Variants in ZNF253 observed in about 807,000 individuals in gnomAD.
The protein encoded by ZNF253 is DNA-binding protein.
ZNF253 carries 8 observed loss-of-function variants against 11.9 expected under a neutral mutation model. The observed-to-expected ratio is 0.67, with a 90% CI of 0.40 to 1.22. ZNF253 has a LOEUF of 1.22. Ranked by LOEUF, ZNF253 falls within the 50% of genes most tolerant of loss-of-function variation. ZNF253 has a pLI of 0.01. For synonymous variants in ZNF253, 194 were observed against 194.9 expected (o/e 1.00, Z 0.04); for missense variants, 485 against 586.9 (o/e 0.83, Z 1.79).
chr19:19,878,212 AATGTTC>A (rs1252329432), intron 1 of ZNF253, among the ~76,000 whole-genome samples: 1 of 152,236 alleles, frequency 6.6e-6, no homozygotes, highest in Non-Finnish European at 1.5e-5. Context: ...AGCACTAAAA[AATGTTC>A]ATGTTCATGC....
chr19:19,885,219 CTTT>C (rs2063193944), intron 3 of ZNF253, among the ~76,000 whole-genome samples: 5 of 51,148 alleles, frequency 9.8e-5, no homozygotes, highest in Non-Finnish European at 1.8e-4. Context: ...TTTTTGTATT[CTTT>C]CTTTCTTTCT....
intron 3 of ZNF253, among the ~76,000 whole-genome samples, chr19:19,886,492 T>C (rs1476961128): frequency 6.6e-6 from 1 of 152,348 alleles, no homozygotes; most frequent in East Asian, 1.9e-4. Context: ...TTATGGGACC[T>C]GGTGGGACAC....
intron 1 of ZNF253, among the ~76,000 whole-genome samples, chr19:19,876,340 G>A (rs966204946): frequency 1.3e-5 from 2 of 151,768 alleles, no homozygotes; most frequent in African/African-American, 4.8e-5. Flanking sequence ...TGAGAGTTAA[G>A]TTCCACCTTT....
intron 3 of ZNF253, among the ~76,000 whole-genome samples, chr19:19,888,840 T>C (rs1371134316): frequency 1.3e-5 from 2 of 152,242 alleles, no homozygotes; most frequent in Non-Finnish European, 2.9e-5. Flanking sequence ...TCTTGTATTA[T>C]GTTATTTTCA....
At chr19:19,879,958 A>C in intron 2 of ZNF253, 93 bp from the exon 3 acceptor site, 1 of 591,428 alleles carries the variant, frequency 1.7e-6, no homozygotes, top group Non-Finnish European at 2.6e-6. Flanking sequence ...GATTTACTGG[A>C]ATATTTTATC....
intron 1 of ZNF253, among the ~76,000 whole-genome samples, chr19:19,866,464 A>T (rs7250258): frequency 0.39 from 59,599 of 151,370 alleles, 12,429 homozygotes; most frequent in East Asian, 0.69. Context: ...CTCGCGTCCG[A>T]CCTGATCGCA....
At chr19:19,869,204 A>G (rs2063122706) in intron 1 of ZNF253, among the ~76,000 whole-genome samples, 1 of 152,168 alleles carries the variant, frequency 6.6e-6, no homozygotes, top group Non-Finnish European at 1.5e-5. Flanking sequence ...CTGATTATCC[A>G]AGGTAATTAT....
At chr19:19,871,007 T>C (rs909155328) in intron 1 of ZNF253, 4 of 152,172 alleles carry the variant, frequency 2.6e-5, no homozygotes, top group African/African-American at 9.7e-5. Context: ...TCTCTCAAAA[T>C]AATCTGGCTC....
In ZNF253 at chr19:19,892,440, G is replaced by C; in HGVS notation, c.1193G>C (p.Cys398Ser). Reference sequence around the variant, plus strand: ...CATACTGGAGAGAAACCCTACAAATGTGATGAATGTGGCAAAACCTTTACC... The same window carrying C: ...CATACTGGAGAGAAACCCTACAAATCTGATGAATGTGGCAAAACCTTTACC... ...KIHTGEKPYK[C>S]DECGKTFTWP... Residue 398 changes from cysteine to serine, a missense_variant, in exon 4 of 4, where the codon TGT becomes TCT. Physicochemically the swap from Cys to Ser is moderately radical, Grantham distance 112. Transcript: ENST00000589717. 6.2e-7 allele frequency: 1 copy of C among 1,613,914 alleles called. No individual in the cohort carries two copies. The highest frequency in any genetic ancestry group is 8.5e-7 in the Non-Finnish European group (1 of 1,179,994).
In ZNF253 at chr19:19,891,581, T is replaced by G; in HGVS notation, c.334T>G (p.Leu112Val). 6.2e-7 allele frequency: 1 copy of G among 1,613,980 alleles called. No homozygotes were observed. Among genetic ancestry groups the G allele is most frequent in the East Asian group, 2.2e-5 (1 of 44,860 alleles). Residue 112 changes from leucine (L) to valine (V), a missense_variant, in exon 4 of 4, where the codon TTA becomes GTA. Physicochemically the swap from Leu to Val is conservative, Grantham distance 32 (BLOSUM62 1). Around this residue, in one of 3 missense-constraint regions of ZNF253, gnomAD observed 218 missense variants for 213.1 expected, o/e 1.02. Coordinates refer to ENST00000589717, the MANE Select transcript of ZNF253 (RefSeq NM_021047.3). ...AGAATGCAGACATGACAATTTACAG[T>G]TAAAAAAAGGCTGTAAAAGCGTGGG... Reference protein sequence around the residue: ...YEECRHDNLQLKKGCKSVGEH... With the variant: ...YEECRHDNLQVKKGCKSVGEH...
intron 3 of ZNF253, among the ~76,000 whole-genome samples, chr19:19,888,872 A>T (rs1273009008): frequency 1.3e-5 from 2 of 152,222 alleles, no homozygotes; most frequent in African/African-American, 4.8e-5. Context: ...TTCTTTCAGC[A>T]TCTTTGATAG....
In ZNF253 at chr19:19,891,917, G is replaced by A. The variant is rs373902550; in HGVS notation, c.670G>A (p.Gly224Arg). The A allele has an allele frequency of 2.0e-4, 319 of 1,613,668 alleles. No individual in the cohort carries two copies. The highest frequency in any genetic ancestry group is 2.6e-4 in the Non-Finnish European group (308 of 1,180,000). ...TACTACACATAAGAGAATTCATACC[G>A]GAGAGAAACCCTACAGATGTGAAGA... Reference protein sequence around the residue: ...NLTTHKRIHTGEKPYRCEECG... With the variant: ...NLTTHKRIHTREKPYRCEECG... Residue 224 changes from glycine (G) to arginine (R), a missense_variant, in exon 4 of 4, where the codon GGA becomes AGA. Transcript: ENST00000589717.
At chr19:19,886,708 C>G (rs2122133222) in intron 3 of ZNF253, among the ~76,000 whole-genome samples, 1 of 152,318 alleles carries the variant, frequency 6.6e-6, no homozygotes, top group South Asian at 2.1e-4. Context: ...GAAATCCTCA[C>G]CAGAAGCAGA....
At position 19,891,702 on chromosome 19, in the gene ZNF253, T is replaced by A; in HGVS notation, c.455T>A (p.Val152Asp). The A allele has an allele frequency of 6.2e-7, 1 of 1,614,080 alleles. No individual in the cohort carries two copies. Among genetic ancestry groups the A allele is most frequent in the Non-Finnish European group, 8.5e-7 (1 of 1,179,978 alleles). The change falls in exon 4 of 4, where the codon GTC becomes GAC. Residue 152 changes from valine to aspartate, a missense_variant. Physicochemically the swap from Val to Asp is radical, Grantham distance 152 (BLOSUM62 -3). This residue lies in a region of ZNF253 where 218 missense variants were observed against 213.1 expected (regional missense o/e 1.02). Transcript: ENST00000589717. ...TTTCAATGTGATAAATATGGAAAAG[T>A]CTTTCATAAGTTTTCAAATTCAAAC... The part of the protein sequence containing the change: ...EIFQCDKYGK[V>D]FHKFSNSNTY...
chr19:19,877,109 C>T (rs958001351), intron 1 of ZNF253, among the ~76,000 whole-genome samples: 2 of 152,108 alleles, frequency 1.3e-5, no homozygotes, highest in African/African-American at 2.4e-5. Context: ...CTGTGTGTTC[C>T]ATTAGCTCTA....
In ZNF253 at chr19:19,891,584, A is replaced by T. The variant is rs761574923; in HGVS notation, c.337A>T (p.Lys113Ter). ...ATGCAGACATGACAATTTACAGTTA[A>T]AAAAAGGCTGTAAAAGCGTGGGTGA... ...EECRHDNLQLKKGCKSVGEHK... is the reference protein window; with the variant it reads ...EECRHDNLQL Residue 113 changes from lysine (K) to a stop codon, truncating the protein, a stop_gained, in exon 4 of 4, where the codon AAA becomes TAA. Transcript: ENST00000589717. LOFTEE classifies it low-confidence loss of function (END_TRUNC). 6.2e-7 allele frequency: 1 copy of T among 1,614,102 alleles called. No individual in the cohort carries two copies. Among genetic ancestry groups the T allele is most frequent in the Non-Finnish European group, 8.5e-7 (1 of 1,180,008 alleles).
intron 1 of ZNF253, 151 bp from the exon 2 acceptor site, chr19:19,878,330 A>T: frequency 1.5e-6 from 2 of 1,333,872 alleles, no homozygotes; most frequent in East Asian, 4.9e-5. Flanking sequence ...ACATTAGAGA[A>T]TATTTTTGGG....
At chr19:19,887,341 G>T (rs1237489156) in intron 3 of ZNF253, among the ~76,000 whole-genome samples, 1 of 151,700 alleles carries the variant, frequency 6.6e-6, no homozygotes, top group East Asian at 1.9e-4. Context: ...TTGTTGCTCA[G>T]GCTGAAGTGC....
At chr19:19,877,479 A>C (rs1311334536) in intron 1 of ZNF253, among the ~76,000 whole-genome samples, 1 of 151,932 alleles carries the variant, frequency 6.6e-6, no homozygotes, top group African/African-American at 2.4e-5. Context: ...AGGTTCAAGC[A>C]ATTCTCTTGC....
Sources: gnomAD v4.1 joint callset for allele counts (sites outside exome capture counted in the v4.1 genomes callset) on GRCh38, gnomAD v4.1.1 for gene constraint, gnomAD v4.1.1 regional missense constraint, MANE v1.5 for transcripts, NCBI Gene and HGNC (gene_info 2026-07-23, HGNC 2026-07-21) for gene names.